Variants in RBFOX1 observed in about 807,000 individuals in gnomAD.
RBFOX1 encodes the protein RNA binding fox-1 homolog 1, also known as RNA binding protein fox-1 homolog 1.
In RBFOX1, 8 loss-of-function variants were observed where a neutral mutation model predicts 57.7. That is an observed-to-expected ratio of 0.14 (90% confidence interval 0.08 to 0.25). RBFOX1 has a LOEUF of 0.25. Among genes scored for constraint, RBFOX1 ranks in the 10% least tolerant of loss-of-function variants. RBFOX1 has a pLI of 1.00. For synonymous variants in RBFOX1, 326 were observed against 222.4 expected, an observed-to-expected ratio of 1.47 and a Z score of -4.15; for missense variants, 611 against 548.5, an observed-to-expected ratio of 1.11 and a Z score of -1.14.
At chr16:6,716,554 ATCT>A (rs2154156781) in intron 3 of RBFOX1, among the ~76,000 whole-genome samples, 1 of 152,276 alleles carries the variant, frequency 6.6e-6, no homozygotes, top group South Asian at 2.1e-4. Flanking sequence ...TTACTCTTCC[ATCT>A]TCTTGGAATG....
chr16:6,851,951 G>A (rs151140985), intron 3 of RBFOX1, among the ~76,000 whole-genome samples: 1 of 148,244 alleles, frequency 6.7e-6, no homozygotes, highest in African/African-American at 2.5e-5. Flanking sequence ...CTTTTTTTGA[G>A]ATGGAGGTTC....
chr16:6,951,836 C>G (rs563481620), intron 3 of RBFOX1, among the ~76,000 whole-genome samples: 1 of 152,210 alleles, frequency 6.6e-6, no homozygotes, highest in Non-Finnish European at 1.5e-5. Context: ...TGGGTTCAAG[C>G]GATTCTCCTG....
intron 4 of RBFOX1, among the ~76,000 whole-genome samples, chr16:7,183,637 A>G (rs898515847): frequency 6.6e-6 from 1 of 152,238 alleles, no homozygotes; most frequent in Non-Finnish European, 1.5e-5. Flanking sequence ...AGGGTCCCGA[A>G]GCAGGAACAT....
intron 2 of RBFOX1, among the ~76,000 whole-genome samples, chr16:6,447,648 G>A (rs1308946691): frequency 1.3e-5 from 2 of 152,050 alleles, no homozygotes; most frequent in African/African-American, 4.8e-5. Context: ...TCACATATTT[G>A]TTTACCCTTA....
At chr16:6,089,078 AAT>A (rs1555503293) in intron 1 of RBFOX1, among the ~76,000 whole-genome samples, 115 of 137,712 alleles carry the variant, frequency 8.4e-4, no homozygotes, top group African/African-American at 2.6e-3. Flanking sequence ...AAAAAAAAAA[AAT>A]ATATATATAT....
intron 1 of RBFOX1, among the ~76,000 whole-genome samples, chr16:6,147,279 C>G (rs145492693): frequency 6.6e-6 from 1 of 152,140 alleles, no homozygotes; most frequent in Non-Finnish European, 1.5e-5. Flanking sequence ...GTTTTTCATA[C>G]TTTTCCTTCC....
At chr16:6,483,124 G>A (rs1264229054) in intron 2 of RBFOX1, 2 of 1,041,454 alleles carry the variant, frequency 1.9e-6, no homozygotes, top group Middle Eastern at 4.6e-4. Context: ...AGTATCCACT[G>A]CCTTCCCCCA....
At chr16:6,175,969 C>G (rs755885783) in intron 1 of RBFOX1, among the ~76,000 whole-genome samples, 3 of 152,038 alleles carry the variant, frequency 2.0e-5, no homozygotes, top group African/African-American at 7.2e-5. Flanking sequence ...ATGTTAACTT[C>G]AAAGGTTTGG....
intron 3 of RBFOX1, among the ~76,000 whole-genome samples, chr16:7,018,271 T>C (rs1323257745): frequency 6.6e-6 from 1 of 152,190 alleles, no homozygotes; most frequent in Admixed American, 6.5e-5. Context: ...CTTCTCCTTA[T>C]GCAAGGGGAC....
intron 4 of RBFOX1, among the ~76,000 whole-genome samples, 190 bp from the exon 5 acceptor site, chr16:7,517,957 A>T (rs977464476): frequency 4.6e-5 from 7 of 151,964 alleles, no homozygotes; most frequent in African/African-American, 1.7e-4. Flanking sequence ...AATGGGGAGA[A>T]GTGATGGTTA....
intron 3 of RBFOX1, among the ~76,000 whole-genome samples, chr16:6,965,429 C>A (rs138594337): frequency 2.0e-5 from 3 of 151,902 alleles, no homozygotes; most frequent in South Asian, 2.1e-4. Flanking sequence ...TGCAGCCTCC[C>A]GGGTTCAATT....
intron 4 of RBFOX1, among the ~76,000 whole-genome samples, chr16:5,916,824 G>A (rs17138932): frequency 0.25 from 38,687 of 151,924 alleles, 5,939 homozygotes; most frequent in East Asian, 0.48. Context: ...GGAGAGAGTC[G>A]GAAACCACAT....
chr16:7,646,960 G>C lies in RBFOX1; in HGVS notation c.758-6855G>C, dbSNP rs1466777809. ...TGGGAGGTGGGGGCTTTGTTTTTGA[G>C]GGGGAGACAGGCAGTTAGCAGTTGA... On this transcript the variant is annotated intron_variant, in intron 11 of 15. Transcript: ENST00000550418. 5.9e-5 allele frequency among the ~76,000 whole-genome samples: 9 copies of C among 152,008 alleles called. No individual in the cohort carries two copies. The East Asian group carries it at 1.3e-3, about 23-fold the overall frequency.
At chr16:6,020,172 C>A (rs953693099) in intron 1 of RBFOX1, among the ~76,000 whole-genome samples, 180 bp downstream of exon 1, 1 of 152,044 alleles carries the variant, frequency 6.6e-6, no homozygotes, top group Admixed American at 6.5e-5. Flanking sequence ...GTGTCCCCCC[C>A]TACCCCCAGG....
chr16:7,268,995 C>T (rs907984878), intron 4 of RBFOX1, among the ~76,000 whole-genome samples: 2 of 144,094 alleles, frequency 1.4e-5, no homozygotes, highest in Non-Finnish European at 3.0e-5. Context: ...CGAGATCACG[C>T]CAGTGCACTC....
At chr16:5,637,192 G>A (rs989131627) in intron 3 of RBFOX1, among the ~76,000 whole-genome samples, 2 of 152,186 alleles carry the variant, frequency 1.3e-5, no homozygotes, top group South Asian at 2.1e-4. Flanking sequence ...CTGACATGCC[G>A]CTGAGAAAGA....
chr16:6,661,788 T>A (rs565771553), intron 3 of RBFOX1, among the ~76,000 whole-genome samples: 99 of 152,334 alleles, frequency 6.5e-4, no homozygotes, highest in African/African-American at 2.3e-3. Context: ...TGCAACTGTC[T>A]CTTTGAAATG....
chr16:7,636,743 G>A (rs1436246897), intron 11 of RBFOX1, among the ~76,000 whole-genome samples: 1 of 152,170 alleles, frequency 6.6e-6, no homozygotes, highest in Non-Finnish European at 1.5e-5. Flanking sequence ...TCCAAGATCA[G>A]GGTGCCAAGA....
intron 4 of RBFOX1, among the ~76,000 whole-genome samples, chr16:7,492,589 T>C (rs2151572802): frequency 6.6e-6 from 1 of 152,320 alleles, no homozygotes; most frequent in African/African-American, 2.4e-5. Context: ...TATTGTCCCA[T>C]CTAAATCTCA....
Sources: allele counts gnomAD v4.1 joint callset (sites outside exome capture counted in the v4.1 genomes callset), GRCh38; gene constraint gnomAD v4.1.1; transcripts MANE v1.5; gene names NCBI Gene and HGNC (gene_info 2026-07-23, HGNC 2026-07-21).